RSRC1: variants seen among roughly 807,000 people sequenced by gnomAD.
RSRC1 encodes serine/Arginine-related protein 53.
A neutral mutation model predicts 49.1 loss-of-function variants in RSRC1; 39 were observed. The ratio of observed to expected loss-of-function variants is 0.79; its 90% CI spans 0.61 to 1.04. The LOEUF (loss-of-function observed/expected upper bound fraction) is 1.04, where lower values mean the gene tolerates loss of function less well. RSRC1 is among the 50% of genes least tolerant of loss of function. The probability of loss-of-function intolerance (pLI) is 0.00; values close to 1 mark genes in which losing one functional copy is unlikely to be tolerated. For synonymous variants in RSRC1, 143 were observed against 130.8 expected (o/e 1.09, Z -0.63); for missense variants, 388 against 402.4 (o/e 0.96, Z 0.31).
chr3:158,148,366 CGTGT>C (rs71144442), intron 3 of RSRC1, among the ~76,000 whole-genome samples: 2 of 149,666 alleles, frequency 1.3e-5, no homozygotes, highest in African/African-American at 2.5e-5. Context: ...TGTGTGTGTG[CGTGT>C]GTGTGTGTGT....
At chr3:158,147,936 A>G (rs1717249844) in intron 3 of RSRC1, among the ~76,000 whole-genome samples, 1 of 152,224 alleles carries the variant, frequency 6.6e-6, no homozygotes, top group East Asian at 1.9e-4. Context: ...TTAAAAATGC[A>G]ATAAAAATGT....
At chr3:158,499,790 A>G (rs1390066657) in intron 7 of RSRC1, among the ~76,000 whole-genome samples, 1 of 152,144 alleles carries the variant, frequency 6.6e-6, no homozygotes, top group African/African-American at 2.4e-5. Flanking sequence ...TTTCAAGGTA[A>G]TTGATCATAT....
intron 3 of RSRC1, among the ~76,000 whole-genome samples, chr3:158,163,759 A>ATTT (rs1553763466): frequency 6.7e-6 from 1 of 149,364 alleles, no homozygotes. Flanking sequence ...CTTTATAGCA[A>ATTT]TTTTTTTTTT....
chr3:158,462,496 A>G (rs1169388296), intron 7 of RSRC1, among the ~76,000 whole-genome samples: 1 of 151,998 alleles, frequency 6.6e-6, no homozygotes, highest in African/African-American at 2.4e-5. Flanking sequence ...GCCTAATCCT[A>G]TTAATTCAGA....
intron 4 of RSRC1, among the ~76,000 whole-genome samples, chr3:158,280,848 T>A (rs1211454183): frequency 6.6e-6 from 1 of 152,066 alleles, no homozygotes; most frequent in East Asian, 1.9e-4. Context: ...GGTTTCACCC[T>A]TTTGCCCAGT....
chr3:158,296,193 T>C (rs1476029019), intron 4 of RSRC1, among the ~76,000 whole-genome samples: 1 of 152,098 alleles, frequency 6.6e-6, no homozygotes, highest in Non-Finnish European at 1.5e-5. Context: ...AATGTAGCTG[T>C]GCGAGAAAGC....
At chr3:158,441,114 T>A (rs957676306) in intron 6 of RSRC1, among the ~76,000 whole-genome samples, 1 of 152,136 alleles carries the variant, frequency 6.6e-6, no homozygotes, top group Admixed American at 6.6e-5. Flanking sequence ...AAGAATAATG[T>A]ATCTGTCTGC....
intron 3 of RSRC1, among the ~76,000 whole-genome samples, chr3:158,190,611 C>A (rs1226239808): frequency 3.4e-5 from 5 of 147,454 alleles, no homozygotes; most frequent in Non-Finnish European, 3.0e-5. Context: ...GTTATTTGTC[C>A]ATTTTTTTCC....
chr3:158,325,995 T>G (rs1260446863), intron 5 of RSRC1, among the ~76,000 whole-genome samples: 1 of 152,198 alleles, frequency 6.6e-6, no homozygotes, highest in East Asian at 1.9e-4. Context: ...GAAGCAATAG[T>G]GAATAGCAGT....
intron 3 of RSRC1, among the ~76,000 whole-genome samples, chr3:158,179,947 A>G (rs1482136649): frequency 6.6e-6 from 1 of 152,184 alleles, no homozygotes; most frequent in African/African-American, 2.4e-5. Context: ...ATGATATCTC[A>G]TTGTAATTTT....
intron 3 of RSRC1, among the ~76,000 whole-genome samples, chr3:158,150,276 T>A (rs1717439456): frequency 6.6e-6 from 1 of 152,182 alleles, no homozygotes; most frequent in Non-Finnish European, 1.5e-5. Flanking sequence ...TTAAGGTGGG[T>A]CCATTTATTG....
At chr3:158,373,647 A>G (rs1732201903) in intron 6 of RSRC1, among the ~76,000 whole-genome samples, 2 of 151,864 alleles carry the variant, frequency 1.3e-5, no homozygotes, top group African/African-American at 4.8e-5. Flanking sequence ...TGTTTTGTAT[A>G]TATTATAGCT....
At chr3:158,538,790 G>A (rs571082195) in intron 8 of RSRC1, among the ~76,000 whole-genome samples, 101 of 152,076 alleles carry the variant, frequency 6.6e-4, no homozygotes, top group Admixed American at 2.0e-3. Flanking sequence ...TGAATATACA[G>A]TAGTCTGAAG....
intron 3 of RSRC1, among the ~76,000 whole-genome samples, chr3:158,201,491 G>A (rs2362247): frequency 0.12 from 18,293 of 152,084 alleles, 1,370 homozygotes; most frequent in Middle Eastern, 0.2. Context: ...AAATAAACAT[G>A]TTAGGCATTT....
At chr3:158,248,535 T>C (rs1724030965) in intron 4 of RSRC1, among the ~76,000 whole-genome samples, 1 of 152,166 alleles carries the variant, frequency 6.6e-6, no homozygotes, top group African/African-American at 2.4e-5. Flanking sequence ...TATATAGTTC[T>C]TTAAGTAGAC....
At chr3:158,522,092 A>T (rs1253399735) in intron 7 of RSRC1, among the ~76,000 whole-genome samples, 2 of 152,108 alleles carry the variant, frequency 1.3e-5, no homozygotes, top group African/African-American at 2.4e-5. Context: ...AGAATTTTTT[A>T]AATGAAATAA....
intron 5 of RSRC1, among the ~76,000 whole-genome samples, chr3:158,353,222 C>T (rs1730971060): frequency 6.6e-6 from 1 of 152,196 alleles, no homozygotes; most frequent in Non-Finnish European, 1.5e-5. Flanking sequence ...CTCCTTGCCT[C>T]TAGACACATT....
intron 7 of RSRC1, among the ~76,000 whole-genome samples, chr3:158,495,634 C>T (rs1714518): frequency 0.46 from 70,204 of 152,044 alleles, 16,691 homozygotes; most frequent in East Asian, 0.64. Context: ...TATGCACACA[C>T]TGCCCACAGT....
intron 5 of RSRC1, among the ~76,000 whole-genome samples, chr3:158,298,309 T>C (rs1054770680): frequency 6.6e-6 from 1 of 152,060 alleles, no homozygotes; most frequent in Admixed American, 6.6e-5. Flanking sequence ...ATAAAATGGA[T>C]GACAATCCTT....
Sources: allele counts gnomAD v4.1 joint callset (sites outside exome capture counted in the v4.1 genomes callset), GRCh38; gene constraint gnomAD v4.1.1; transcripts MANE v1.5; gene names NCBI Gene and HGNC (gene_info 2026-07-23, HGNC 2026-07-21).